The following LRCH1 variants were observed in gnomAD, a reference collection of about 807,000 sequenced individuals.
LRCH1 encodes leucine-rich repeat and calponin homology domain-containing protein 1.
In LRCH1, 23 loss-of-function variants were observed where a neutral mutation model predicts 94.9. The observed-to-expected ratio is 0.24, with a 90% CI of 0.17 to 0.34. The LOEUF is 0.34. Among genes scored for constraint, LRCH1 ranks in the 10% least tolerant of loss-of-function variants. The pLI is 1.00. For synonymous variants in LRCH1, 364 were observed against 354.9 expected, an observed-to-expected ratio of 1.03 and a Z score of -0.29; for missense variants, 790 against 945.9, an observed-to-expected ratio of 0.84 and a Z score of 2.16.
chr13:46,677,143 C>G (rs1027169085), intron 3 of LRCH1, among the ~76,000 whole-genome samples: 1 of 151,704 alleles, frequency 6.6e-6, no homozygotes, highest in Non-Finnish European at 1.5e-5. Flanking sequence ...GGCACGGTGG[C>G]TCACGCCTGT....
intron 11 of LRCH1, among the ~76,000 whole-genome samples, chr13:46,701,877 G>A (rs1186797838): frequency 6.6e-6 from 1 of 152,170 alleles, no homozygotes; most frequent in Non-Finnish European, 1.5e-5. Flanking sequence ...AACTGATGTG[G>A]TCTTATAATA....
Position 46,579,458 on chromosome 13 carries a change from C to CT in LRCH1, c.307+25759dup, listed in dbSNP as rs2050341166. ...AGTTATTTTTTCTTCCTTGGAATTTCTTTTCTTTTTTTTTTTTAACCATAT... is the reference window on the plus strand; with the variant it reads ...AGTTATTTTTTCTTCCTTGGAATTTCTTTTTCTTTTTTTTTTTTAACCATAT... On this transcript the variant is annotated intron_variant, in intron 1 of 19. Coordinates refer to ENST00000389797, the MANE Select transcript of LRCH1 (RefSeq NM_001164211.2). Among the ~76,000 whole-genome samples the CT allele has an allele frequency of 1.2e-4, 7 of 59,108 alleles. No homozygotes were observed. In the South Asian group the frequency reaches 3.5e-3, roughly 30 times the overall value. 38.8% of individuals were successfully genotyped at this position (59,108 alleles called of 152,430 possible).
downstream of LRCH1, chr13:46,744,906 C>G (rs1873846752): frequency 2.0e-6 from 2 of 984,184 alleles, no homozygotes; most frequent in Admixed American, 6.1e-5. Context: ...ATAGAATGTG[C>G]CCTTTTTTTC....
chr13:46,717,410 C>A (rs537447608), intron 16 of LRCH1: 1 of 152,156 alleles, frequency 6.6e-6, no homozygotes, highest in African/African-American at 2.4e-5. Context: ...ATAAAGCCAT[C>A]GTTTTCAATA....
intron 3 of LRCH1, among the ~76,000 whole-genome samples, chr13:46,676,014 C>T (rs1593344358): frequency 6.6e-6 from 1 of 152,192 alleles, no homozygotes; most frequent in Non-Finnish European, 1.5e-5. Flanking sequence ...TGCGGTGGCT[C>T]ATGCCTGTAA....
intron 13 of LRCH1, 42 bp from the exon 14 acceptor site, chr13:46,711,749 C>T (rs770917694): frequency 2.0e-6 from 3 of 1,515,152 alleles, no homozygotes; most frequent in African/African-American, 1.4e-5. Flanking sequence ...AACAGTTTCA[C>T]AGTCTAATGG....
Position 46,701,126 on chromosome 13 carries a change from G to A in LRCH1, c.1319G>A (p.Ser440Asn), listed in dbSNP as rs367681709. Residue 440 changes from serine (S) to asparagine (N), a missense_variant, in exon 11 of 20, where the codon AGT becomes AAT. Ser to Asn is a conservative substitution (Grantham distance 46). This residue lies in a region of LRCH1 where 460 missense variants were observed against 508.9 expected (regional missense o/e 0.90). Coordinates refer to ENST00000389797, the MANE Select transcript of LRCH1 (RefSeq NM_001164211.2). ...DVHWQTEGII[S>N]SSKDQDMDIA... ...TGCTTGGTTTCACGTTACAGAATAAGTTCATCCAAAGATCAGGACATGGAT... is the reference window on the plus strand; with the variant it reads ...TGCTTGGTTTCACGTTACAGAATAAATTCATCCAAAGATCAGGACATGGAT... 1.6e-5 allele frequency: 26 copies of A among 1,607,492 alleles called. No homozygotes were observed. The highest frequency in any genetic ancestry group is 2.1e-5 in the Non-Finnish European group (25 of 1,174,470).
At chr13:46,578,594 A>G (rs111372348) in intron 1 of LRCH1, among the ~76,000 whole-genome samples, 2,425 of 152,292 alleles carry the variant, frequency 0.016, 65 homozygotes, top group African/African-American at 0.055. Flanking sequence ...CTTAAGAATA[A>G]CCTATTTCTG....
Position 46,750,391 on chromosome 13 carries a change from T to C in LRCH1, c.1981-149T>C, listed in dbSNP as rs1874076448. ...ACATAGAAAAGGTCTTTGCAGTAGG[T>C]TGAAAGCAAAGGAAGGAGCTTGGTG... On this transcript the variant is annotated intron_variant, in intron 18 of 18. Coordinates refer to the LRCH1 transcript ENST00000311191. The C allele has an allele frequency of 5.1e-6, 3 of 588,312 alleles. No homozygotes were observed. The South Asian group carries it at 6.7e-5, about 13-fold the overall frequency. 36.4% of individuals were successfully genotyped at this position (588,312 alleles called of 1,614,324 possible). A position where few individuals can be genotyped will look rare whatever the true frequency, so the allele number is the denominator to read the frequency against.
At chr13:46,682,321 T>C (rs1449156085) in intron 4 of LRCH1, among the ~76,000 whole-genome samples, 1 of 152,044 alleles carries the variant, frequency 6.6e-6, no homozygotes, top group East Asian at 1.9e-4. Context: ...TGTCCTAATC[T>C]CCTCTTCTTA....
intron 1 of LRCH1, among the ~76,000 whole-genome samples, chr13:46,616,775 G>T (rs1162002251): frequency 3.3e-5 from 5 of 152,208 alleles, no homozygotes; most frequent in African/African-American, 1.2e-4. Context: ...ATTTCACCTG[G>T]GTGCTGGTGG....
At chr13:46,675,551 T>G (rs2051660379) in intron 3 of LRCH1, among the ~76,000 whole-genome samples, 1 of 152,264 alleles carries the variant, frequency 6.6e-6, no homozygotes, top group Admixed American at 6.5e-5. Context: ...CTATTTTTTA[T>G]TCTTTTTTCA....
At chr13:46,703,929 A>G (rs927043456) in intron 11 of LRCH1, among the ~76,000 whole-genome samples, 1 of 151,650 alleles carries the variant, frequency 6.6e-6, no homozygotes, top group African/African-American at 2.4e-5. Context: ...AAGGAAATAT[A>G]TTAAGATAGT....
At chr13:46,561,048 C>G (rs2050124861) in intron 1 of LRCH1, among the ~76,000 whole-genome samples, 1 of 152,188 alleles carries the variant, frequency 6.6e-6, no homozygotes. Flanking sequence ...ACTGTTTTTC[C>G]TAACCATATC....
At chr13:46,594,769 C>A (rs2050540573) in intron 1 of LRCH1, among the ~76,000 whole-genome samples, 2 of 152,106 alleles carry the variant, frequency 1.3e-5, no homozygotes, top group Non-Finnish European at 2.9e-5. Flanking sequence ...AAGAAAGTCA[C>A]CCTCATTTTC....
chr13:46,577,966 A>G (rs1594257308), intron 1 of LRCH1, among the ~76,000 whole-genome samples: 1 of 152,228 alleles, frequency 6.6e-6, no homozygotes, highest in Non-Finnish European at 1.5e-5. Context: ...TGCCCACTAA[A>G]GGGAATCCCC....
intron 1 of LRCH1, among the ~76,000 whole-genome samples, chr13:46,560,120 T>C (rs965761198): frequency 7.2e-6 from 1 of 139,162 alleles, no homozygotes; most frequent in African/African-American, 2.6e-5. Context: ...TCCTCTTTTG[T>C]GTATACATTT....
chr13:46,587,373 G>T (rs1481377251), intron 1 of LRCH1, among the ~76,000 whole-genome samples: 1 of 152,210 alleles, frequency 6.6e-6, no homozygotes, highest in Non-Finnish European at 1.5e-5. Flanking sequence ...AGTGACAAAT[G>T]TTGAGGCCTG....
At chr13:46,583,342 G>A (rs1444124900) in intron 1 of LRCH1, among the ~76,000 whole-genome samples, 1 of 152,238 alleles carries the variant, frequency 6.6e-6, no homozygotes, top group East Asian at 1.9e-4. Context: ...TGAAAAGAAT[G>A]AGGCTTATTG....
Sources: gnomAD v4.1 joint callset for allele counts (sites outside exome capture counted in the v4.1 genomes callset) on GRCh38, gnomAD v4.1.1 for gene constraint, gnomAD v4.1.1 regional missense constraint, MANE v1.5 for transcripts, NCBI Gene and HGNC (gene_info 2026-07-23, HGNC 2026-07-21) for gene names.